The following PRDM14 variants were observed in gnomAD, a reference collection of about 807,000 sequenced individuals.
PRDM14 encodes PR/SET domain 14.
In PRDM14, 16 loss-of-function variants were observed where a neutral mutation model predicts 48.0. The observed-to-expected ratio is 0.33, with a 90% CI of 0.23 to 0.51. The LOEUF is 0.51. Among genes scored for constraint, PRDM14 ranks in the 20% least tolerant of loss-of-function variants. The probability of loss-of-function intolerance (pLI) is 0.97; values close to 1 mark genes in which losing one functional copy is unlikely to be tolerated. For missense variants in PRDM14, 566 were observed against 719.6 expected (o/e 0.79, Z 2.44); for synonymous variants, 264 against 276.6 (o/e 0.95, Z 0.45).
Position 70,059,862 on chromosome 8 carries a change from G to T in PRDM14, c.1184-1020C>A, listed in dbSNP as rs572379896. 4.0e-5 allele frequency among the ~76,000 whole-genome samples: 6 copies of T among 149,786 alleles called. No homozygotes were observed. The East Asian group carries it at 1.2e-3, about 30-fold the overall frequency. On this transcript the variant is annotated intron_variant, in intron 5 of 7. Transcript: ENST00000276594. ...TAATCCCAGCACTTTGGGAAGCTGAGGCAGGTGGATCACCTGAGGTCAGGG... is the reference window on the plus strand; with the variant it reads ...TAATCCCAGCACTTTGGGAAGCTGATGCAGGTGGATCACCTGAGGTCAGGG...
chr8:70,054,759 C>T (rs1585646903), intron 7 of PRDM14, among the ~76,000 whole-genome samples: 1 of 151,624 alleles, frequency 6.6e-6, no homozygotes, highest in African/African-American at 2.4e-5. Flanking sequence ...TCTCCAGGCA[C>T]CTGCCCACCT....
At chr8:70,063,033 T>C (rs1563440939) in intron 5 of PRDM14, among the ~76,000 whole-genome samples, 1 of 152,220 alleles carries the variant, frequency 6.6e-6, no homozygotes, top group Non-Finnish European at 1.5e-5. Flanking sequence ...TTCATAAGCA[T>C]AGCTTTTTCC....
At chr8:70,059,565 C>T (rs941787036) in intron 5 of PRDM14, among the ~76,000 whole-genome samples, 1 of 151,918 alleles carries the variant, frequency 6.6e-6, no homozygotes, top group Non-Finnish European at 1.5e-5. Flanking sequence ...CCACCATGCC[C>T]GGCCGCCAAG....
Position 70,069,212 on chromosome 8 carries a change from C to A in PRDM14, c.649G>T (p.Ala217Ser). ...YGVTPSLEHP[A>S]SLHHAISGLL... is the part of the protein sequence containing the mutation. ...CCTGAAATCGCATGGTGCAGGCTGG[C>A]TGGGTGCTCCAGGCTGGGAGTGACC... The change falls in exon 2 of 8, where the codon GCC becomes TCC. Residue 217 changes from alanine (A) to serine (S), a missense_variant. Physicochemically the swap from Ala to Ser is moderately conservative, Grantham distance 99. Coordinates refer to ENST00000276594, the MANE Select transcript of PRDM14 (RefSeq NM_024504.4). The A allele has an allele frequency of 6.4e-7, 1 of 1,566,336 alleles. No individual in the cohort carries two copies.
chr8:70,052,300 A>G lies in PRDM14; in HGVS notation c.1493T>C (p.Phe498Ser). 1 of 1,610,442 alleles carries G rather than the reference A, an allele frequency of 6.2e-7. No individual in the cohort carries two copies. The highest frequency in any genetic ancestry group is 8.5e-7 in the Non-Finnish European group (1 of 1,177,334). ...TGTGCGGAGTATGCTGGAGGCTGTGAACCTCTGCAGAGAACAGAAATACAG... is the reference window on the plus strand; with the variant it reads ...TGTGCGGAGTATGCTGGAGGCTGTGGACCTCTGCAGAGAACAGAAATACAG... Reference protein sequence around the residue: ...PYQCVYCTKRFTASSILRTHI... With the variant: ...PYQCVYCTKRSTASSILRTHI... Residue 498 changes from phenylalanine (F) to serine (S), a missense_variant, in exon 8 of 8, where the codon TTC becomes TCC. Transcript: ENST00000276594.
chr8:70,063,564 C>T (rs1207529936), intron 5 of PRDM14, among the ~76,000 whole-genome samples: 4 of 152,022 alleles, frequency 2.6e-5, no homozygotes, highest in African/African-American at 9.7e-5. Flanking sequence ...CACTCTGTCA[C>T]CCAGGCTGGA....
In PRDM14 at chr8:70,068,460, T is replaced by A. The variant is rs1304858097; in HGVS notation, c.754+19A>T. The A allele has an allele frequency of 6.2e-7, 1 of 1,614,012 alleles. No homozygotes were observed. Among genetic ancestry groups the A allele is most frequent in the African/African-American group, 1.3e-5 (1 of 75,050 alleles). On this transcript the variant is annotated intron_variant, in intron 3 of 7. Transcript: ENST00000276594. ...GCATTAGTTCAGGGAAAGAAATCCA[T>A]GCAAGGAGTCCTGCCTACCTTCTGG... is the stretch of plus-strand genomic sequence containing the variant.
At chr8:70,069,929 C>T (rs893150043) in intron 1 of PRDM14, 45 bp from the exon 2 acceptor site, 36 of 1,281,414 alleles carry the variant, frequency 2.8e-5, no homozygotes, top group South Asian at 1.5e-4. Flanking sequence ...CGGGAGCTTC[C>T]CGGGGTCCGA....
chr8:70,063,937 C>T (rs958315563), intron 5 of PRDM14, among the ~76,000 whole-genome samples: 1 of 152,172 alleles, frequency 6.6e-6, no homozygotes, highest in Non-Finnish European at 1.5e-5. Context: ...GAATCCCAAC[C>T]ATTTTTGCCT....
intron 6 of PRDM14, 65 bp downstream of exon 6, chr8:70,058,575 G>A (rs1046537626): frequency 1.9e-5 from 27 of 1,437,926 alleles, no homozygotes; most frequent in African/African-American, 1.3e-4. Context: ...GCAACTCCCC[G>A]TGTTCAGGAG....
rs1457228003 is a variant in PRDM14 at position 70,051,765 on chromosome 8, C to G, written c.*312G>C. On this transcript the variant is annotated 3_prime_UTR_variant, in exon 8 of 8. Coordinates refer to ENST00000276594, the MANE Select transcript of PRDM14 (RefSeq NM_024504.4). ...TGTCTCCACACTCTTGAGGGCTACT[C>G]ATTTTTTTTGTTTTGTTTTGTTTTG... 1.6e-5 allele frequency: 2 copies of G among 124,142 alleles called. No homozygotes were observed. The highest frequency in any genetic ancestry group is 2.9e-5 in the Non-Finnish European group (2 of 70,022). 7.7% of individuals were successfully genotyped at this position (124,142 alleles called of 1,614,324 possible). A position where few individuals can be genotyped will look rare whatever the true frequency, so the allele number is the denominator to read the frequency against.
In PRDM14 at chr8:70,051,819, T is replaced by C. The variant is rs1328458755; in HGVS notation, c.*258A>G. 3 of 389,080 alleles carry C rather than the reference T, an allele frequency of 7.7e-6. No individual in the cohort carries two copies. The highest frequency in any genetic ancestry group is 1.4e-5 in the Non-Finnish European group (3 of 213,340). 24.1% of individuals were successfully genotyped at this position (389,080 alleles called of 1,614,324 possible). A position where few individuals can be genotyped will look rare whatever the true frequency, so the allele number is the denominator to read the frequency against. ...CAGGGTCTGGTTCTGTCACCCAGGT[T>C]GAAAAGCAGTGGGGCGATCTCAGCT... On this transcript the variant is annotated 3_prime_UTR_variant, in exon 8 of 8. Transcript: ENST00000276594.
chr8:70,060,416 A>T (rs1189456054), intron 5 of PRDM14, among the ~76,000 whole-genome samples: 1 of 144,758 alleles, frequency 6.9e-6, no homozygotes, highest in African/African-American at 2.7e-5. Flanking sequence ...AAAAAAAAAC[A>T]TAACCATAAT....
Position 70,066,384 on chromosome 8 carries a change from T to C in PRDM14, c.1034A>G (p.Gln345Arg), listed in dbSNP as rs769234356. 1.9e-6 allele frequency: 3 copies of C among 1,614,162 alleles called. No individual in the cohort carries two copies. In the South Asian group the frequency reaches 3.3e-5, roughly 18 times the overall value. ...GCAGCTCTCATAAAATATATGCCCT[T>C]GACACTGCACAGCAACTAGGTTCTG... is the stretch of plus-strand genomic sequence containing the variant. ...KEQNLVAVQCQGHIFYESCKE... is the reference protein window; with the variant it reads ...KEQNLVAVQCRGHIFYESCKE... The change falls in exon 5 of 8, where the codon CAA (glutamine) becomes CGA (arginine). Residue 345 changes from glutamine to arginine, a missense_variant. By Grantham distance (43) the Gln-to-Arg change is conservative (BLOSUM62 1). Around this residue, in one of 3 missense-constraint regions of PRDM14, gnomAD observed 126 missense variants for 271.6 expected, o/e 0.46. Coordinates refer to ENST00000276594, the MANE Select transcript of PRDM14 (RefSeq NM_024504.4).
chr8:70,057,814 C>A (rs918597912), intron 6 of PRDM14, among the ~76,000 whole-genome samples: 20 of 152,082 alleles, frequency 1.3e-4, no homozygotes, highest in Admixed American at 6.6e-4. Context: ...TAAATGTATT[C>A]AAATTTTATA....
rs779962819 is a variant in PRDM14 at position 70,066,376 on chromosome 8, T to C, written c.1042A>G (p.Ile348Val). 1.9e-6 allele frequency: 3 copies of C among 1,614,214 alleles called. No homozygotes were observed. Among genetic ancestry groups the C allele is most frequent in the South Asian group, 2.2e-5 (2 of 91,084 alleles). ...ATCTCTTTGCAGCTCTCATAAAATA[T>C]ATGCCCTTGACACTGCACAGCAACT... is the stretch of plus-strand genomic sequence containing the variant. ...NLVAVQCQGH[I>V]FYESCKEIHQ... Residue 348 changes from isoleucine to valine, a missense_variant, in exon 5 of 8, where the codon ATA becomes GTA. Physicochemically the swap from Ile to Val is conservative, Grantham distance 29 (BLOSUM62 3). This residue lies in a region of PRDM14 where 126 missense variants were observed against 271.6 expected (regional missense o/e 0.46). Transcript: ENST00000276594.
intron 5 of PRDM14, among the ~76,000 whole-genome samples, 179 bp from the exon 6 acceptor site, chr8:70,059,021 C>T (rs1416534580): frequency 6.6e-6 from 1 of 152,218 alleles, no homozygotes; most frequent in Non-Finnish European, 1.5e-5. Flanking sequence ...GTGGCACGAT[C>T]TTGGCTCACT....
chr8:70,068,596 T>C lies in PRDM14; in HGVS notation c.701-64A>G, dbSNP rs1805710658. The C allele has an allele frequency of 3.7e-6, 5 of 1,337,710 alleles. No homozygotes were observed. In the East Asian group the frequency reaches 1.2e-4, roughly 31 times the overall value. The allele number at this position is 1,337,710 out of a possible 1,614,324, so 82.9% of individuals were successfully genotyped here. On this transcript the variant is annotated intron_variant, in intron 2 of 7. Coordinates refer to ENST00000276594, the MANE Select transcript of PRDM14 (RefSeq NM_024504.4). ...TGCATTATAAAGTGCTTTTATGAGG[T>C]GTTTCCCTCCTTAATTCCCTAAAGG...
At chr8:70,061,476 G>A (rs1805579680) in intron 5 of PRDM14, among the ~76,000 whole-genome samples, 1 of 152,172 alleles carries the variant, frequency 6.6e-6, no homozygotes, top group Non-Finnish European at 1.5e-5. Flanking sequence ...TAACCAGGAA[G>A]GCAACTGCCA....
Sources: gnomAD v4.1 joint callset for allele counts (sites outside exome capture counted in the v4.1 genomes callset) on GRCh38, gnomAD v4.1.1 for gene constraint, gnomAD v4.1.1 regional missense constraint, MANE v1.5 for transcripts, NCBI Gene and HGNC (gene_info 2026-07-23, HGNC 2026-07-21) for gene names.